ANKRD30B: variants seen among roughly 807,000 people sequenced by gnomAD.
ANKRD30B encodes the protein ankyrin repeat domain-containing protein 30B.
A neutral mutation model predicts 202.2 loss-of-function variants in ANKRD30B; 144 were observed. That is an observed-to-expected ratio of 0.71 (90% CI 0.62 to 0.82). ANKRD30B has a LOEUF of 0.82. Among genes scored for constraint, ANKRD30B ranks in the 40% least tolerant of loss-of-function variants. ANKRD30B has a pLI of 0.00. For synonymous variants in ANKRD30B, 508 were observed against 561.3 expected (o/e 0.91, Z 1.34); for missense variants, 1,487 against 1,669.1 (o/e 0.89, Z 1.90).
At chr18:14,771,377 G>A (rs149315627) in intron 8 of ANKRD30B, among the ~76,000 whole-genome samples, 239 of 152,232 alleles carry the variant, frequency 1.6e-3, no homozygotes, top group African/African-American at 5.5e-3. Flanking sequence ...TTTTCTAGCA[G>A]TCTCTCTCCT....
chr18:14,827,787 A>G (rs1486093637), intron 32 of ANKRD30B, among the ~76,000 whole-genome samples: 1 of 152,160 alleles, frequency 6.6e-6, no homozygotes, highest in South Asian at 2.1e-4. Flanking sequence ...TGTCAGTCTT[A>G]TAGGGTTCTG....
intron 4 of ANKRD30B, among the ~76,000 whole-genome samples, chr18:14,756,013 C>T (rs1914298380): frequency 6.6e-6 from 1 of 152,176 alleles, no homozygotes; most frequent in East Asian, 1.9e-4. Context: ...AGTTTACATT[C>T]CCACCAACAG....
the ANKRD30B span, among the ~76,000 whole-genome samples, chr18:14,923,127 G>A: frequency 6.6e-6 from 1 of 152,198 alleles, no homozygotes; most frequent in Non-Finnish European, 1.5e-5. Context: ...AGTAGACTGT[G>A]GGCCTTGGGT....
At chr18:14,791,807 G>A (rs1240786648) in intron 16 of ANKRD30B, among the ~76,000 whole-genome samples, 1 of 152,144 alleles carries the variant, frequency 6.6e-6, no homozygotes, top group Non-Finnish European at 1.5e-5. Context: ...GAGAGGACGG[G>A]AAGGAACAAG....
At chr18:14,909,914 G>T in the ANKRD30B span, 1 of 151,976 alleles carries the variant, frequency 6.6e-6, no homozygotes, top group African/African-American at 2.4e-5. Context: ...AGGAGCACCT[G>T]GACCCAGTAA....
chr18:14,842,318 G>A (rs1971451511), intron 37 of ANKRD30B, among the ~76,000 whole-genome samples: 1 of 152,238 alleles, frequency 6.6e-6, no homozygotes, highest in Non-Finnish European at 1.5e-5. Flanking sequence ...ACACTGCAAG[G>A]ATATGGGAAA....
chr18:14,792,870 C>T (rs1056748375), intron 16 of ANKRD30B, among the ~76,000 whole-genome samples: 27 of 151,988 alleles, frequency 1.8e-4, no homozygotes, highest in Admixed American at 1.0e-3. Context: ...ACCTCATTAG[C>T]GAATAACATG....
At chr18:14,867,147 G>A in the ANKRD30B span, among the ~76,000 whole-genome samples, 1 of 136,114 alleles carries the variant, frequency 7.3e-6, no homozygotes, top group Non-Finnish European at 1.6e-5. Context: ...GTGGGGGGCG[G>A]GTTTGATGGG....
chr18:14,815,895 G>T (rs1438359526), intron 30 of ANKRD30B, among the ~76,000 whole-genome samples: 2 of 152,044 alleles, frequency 1.3e-5, no homozygotes, highest in African/African-American at 4.8e-5. Flanking sequence ...AAAAATGTTG[G>T]CATACCGTTA....
At chr18:14,923,489 A>T in the ANKRD30B span, among the ~76,000 whole-genome samples, 1 of 151,900 alleles carries the variant, frequency 6.6e-6, no homozygotes, top group South Asian at 2.1e-4. Flanking sequence ...GCTGCAGTAG[A>T]ATGGACCACC....
chr18:14,767,166 T>A (rs535752668), intron 7 of ANKRD30B, among the ~76,000 whole-genome samples: 1 of 152,284 alleles, frequency 6.6e-6, no homozygotes, highest in African/African-American at 2.4e-5. Context: ...AAGTGTTGTC[T>A]TTTTTATCTG....
At position 14,774,583 on chromosome 18, in the gene ANKRD30B, T is replaced by C. The variant is rs191174196; in HGVS notation, c.1329+2355T>C. Among the ~76,000 whole-genome samples, 246 of 152,286 alleles carry C rather than the reference T, an allele frequency of 1.6e-3. 1 individual carries two copies. Among genetic ancestry groups the C allele is most frequent in the Middle Eastern group, 6.8e-3 (2 of 294 alleles). ...GAAGCAGAATTTATACAATTATTTA[T>C]ACTTAGCTTTTTGCCGTTCAGAATA... On this transcript the variant is annotated intron_variant, in intron 9 of 43. Coordinates refer to ENST00000690538, the MANE Select transcript of ANKRD30B (RefSeq NM_001367607.2).
the ANKRD30B span, among the ~76,000 whole-genome samples, chr18:14,876,401 CAG>C: frequency 6.6e-6 from 1 of 152,182 alleles, no homozygotes; most frequent in Admixed American, 6.5e-5. Context: ...AGAAAATTCT[CAG>C]AGTCAGTTGG....
At chr18:14,923,324 C>T in the ANKRD30B span, among the ~76,000 whole-genome samples, 38 of 152,280 alleles carry the variant, frequency 2.5e-4, no homozygotes, top group Non-Finnish European at 5.1e-4. Flanking sequence ...TACAAGCTGA[C>T]TGAAGGGCCC....
At chr18:14,753,082 C>A in intron 3 of ANKRD30B, 70 bp downstream of exon 3, 1 of 1,244,940 alleles carries the variant, frequency 8.0e-7, no homozygotes, top group Non-Finnish European at 1.1e-6. Flanking sequence ...ATATGTAAGG[C>A]TTTTATATTT....
the ANKRD30B span, among the ~76,000 whole-genome samples, chr18:14,932,470 G>T: frequency 6.6e-6 from 1 of 152,156 alleles, no homozygotes; most frequent in Non-Finnish European, 1.5e-5. Flanking sequence ...CCGAGTAGCT[G>T]GGACTACAGG....
chr18:14,756,089 C>T lies in ANKRD30B; in HGVS notation c.617+1084C>T, dbSNP rs930336492. On this transcript the variant is annotated intron_variant, in intron 4 of 43. Coordinates refer to ENST00000690538, the MANE Select transcript of ANKRD30B (RefSeq NM_001367607.2). ...TGTTGTTTCCTGACTTTTTAATGAT[C>T]GCCATTCTAACTAGTGTGAGATGGT... Among the ~76,000 whole-genome samples the T allele has an allele frequency of 1.1e-3, 175 of 152,206 alleles. 1 individual carries two copies. Among genetic ancestry groups the T allele is most frequent in the Non-Finnish European group, 1.5e-3 (101 of 67,998 alleles).
At position 14,851,967 on chromosome 18, in the gene ANKRD30B, A is replaced by T. The variant is rs1292435652; in HGVS notation, c.4023A>T (p.Thr1341=). 5 of 1,601,016 alleles carry T rather than the reference A, an allele frequency of 3.1e-6. No homozygotes were observed. Among genetic ancestry groups the T allele is most frequent in the Non-Finnish European group, 3.4e-6 (4 of 1,172,578 alleles). The change falls in exon 42 of 44, where the codon ACA becomes ACT. Residue 1341 remains threonine, a synonymous_variant. Coordinates refer to ENST00000690538, the MANE Select transcript of ANKRD30B (RefSeq NM_001367607.2). ...QGIMNVDVSN[T]IYNNEVLHQP... Reference sequence around the variant, plus strand: ...TAATGAATGTTGATGTGAGTAATACAATATATAACAATGAGGTGCTCCATC... The same window carrying T: ...TAATGAATGTTGATGTGAGTAATACTATATATAACAATGAGGTGCTCCATC...
chr18:14,910,607 T>G, the ANKRD30B span, among the ~76,000 whole-genome samples: 1 of 151,908 alleles, frequency 6.6e-6, no homozygotes, highest in African/African-American at 2.4e-5. Context: ...AGTTTTTTTT[T>G]GATATAATAA....
Sources: allele counts gnomAD v4.1 joint callset (sites outside exome capture counted in the v4.1 genomes callset), GRCh38; gene constraint gnomAD v4.1.1; transcripts MANE v1.5; gene names NCBI Gene and HGNC (gene_info 2026-07-23, HGNC 2026-07-21).